The following GHR variants were observed in gnomAD, a reference collection of about 807,000 sequenced individuals.
GHR encodes the protein GH receptor.
Under a neutral mutation model 67.1 loss-of-function variants are expected in GHR, and 35 were observed. That is an observed-to-expected ratio of 0.52 (90% CI 0.40 to 0.69). The LOEUF (loss-of-function observed/expected upper bound fraction) is 0.69. GHR is among the 30% of genes least tolerant of loss of function. GHR has a pLI of 0.00. For synonymous variants in GHR, 272 were observed against 269.1 expected, an observed-to-expected ratio of 1.01 and a Z score of -0.10; for missense variants, 792 against 764.6, an observed-to-expected ratio of 1.04 and a Z score of -0.42.
intron 3 of GHR, among the ~76,000 whole-genome samples, chr5:42,636,745 C>A (rs1302763079): frequency 6.6e-6 from 1 of 152,168 alleles, no homozygotes; most frequent in African/African-American, 2.4e-5. Context: ...TTAACCTACA[C>A]ACTGAGAAAG....
chr5:42,645,840 C>T (rs1264003538), intron 3 of GHR, among the ~76,000 whole-genome samples: 2 of 152,138 alleles, frequency 1.3e-5, no homozygotes, highest in East Asian at 1.9e-4. Flanking sequence ...TTTCGCTGAC[C>T]GATTTCTAGG....
At chr5:42,478,474 C>A (rs1258582827) in intron 1 of GHR, among the ~76,000 whole-genome samples, 33 of 152,072 alleles carry the variant, frequency 2.2e-4, no homozygotes, top group Non-Finnish European at 4.4e-4. Context: ...TTACCTTGGG[C>A]AGTATGGCCA....
chr5:42,426,163 T>C (rs1280497890), intron 1 of GHR, among the ~76,000 whole-genome samples: 2 of 152,180 alleles, frequency 1.3e-5, no homozygotes. Flanking sequence ...ATTGTCATGT[T>C]GAGTATCTTG....
intron 3 of GHR, among the ~76,000 whole-genome samples, chr5:42,631,341 A>G (rs984999590): frequency 2.6e-5 from 4 of 152,204 alleles, no homozygotes; most frequent in Non-Finnish European, 5.9e-5. Context: ...TCTTATCAAA[A>G]GTCACCTGCT....
intron 1 of GHR, among the ~76,000 whole-genome samples, chr5:42,503,568 A>G (rs1029294794): frequency 6.6e-6 from 1 of 152,224 alleles, no homozygotes; most frequent in African/African-American, 2.4e-5. Context: ...AGAGCCTGCT[A>G]TGAGTGTCAC....
At chr5:42,633,340 T>C (rs13166851) in intron 3 of GHR, among the ~76,000 whole-genome samples, 3,043 of 152,250 alleles carry the variant, frequency 0.02, 60 homozygotes, top group South Asian at 0.063. Context: ...ATGGCTGAGA[T>C]CAGAGGCAAG....
At chr5:42,668,767 G>T (rs1756124275) in intron 3 of GHR, among the ~76,000 whole-genome samples, 1 of 151,844 alleles carries the variant, frequency 6.6e-6, no homozygotes, top group South Asian at 2.1e-4. Flanking sequence ...AAAAATAGAG[G>T]TATATTGCAT....
intron 1 of GHR, among the ~76,000 whole-genome samples, chr5:42,464,586 A>C (rs1744646377): frequency 6.6e-6 from 1 of 152,188 alleles, no homozygotes; most frequent in Non-Finnish European, 1.5e-5. Context: ...TCATGAATCC[A>C]TTCTGCAGGT....
At chr5:42,541,002 A>G (rs1016450121) in intron 1 of GHR, among the ~76,000 whole-genome samples, 10 of 140,232 alleles carry the variant, frequency 7.1e-5, no homozygotes, top group African/African-American at 2.7e-4. Flanking sequence ...AATTTGTTCC[A>G]TATTGTTTTT....
chr5:42,544,239 G>A lies in GHR; in HGVS notation c.-11-21625G>A, dbSNP rs530381628. ...GAAAGAAAAAGGGGATCCAGCAAGC[G>A]TGAGAAGACATACTTAGATAATTCA... On this transcript the variant is annotated intron_variant, in intron 1 of 9. Transcript: ENST00000230882. Among the ~76,000 whole-genome samples, 8 of 152,226 alleles carry A rather than the reference G, an allele frequency of 5.3e-5. No homozygotes were observed. The South Asian group carries it at 1.0e-3, about 20-fold the overall frequency.
intron 1 of GHR, among the ~76,000 whole-genome samples, chr5:42,455,134 T>A (rs1024584980): frequency 3.9e-5 from 6 of 152,302 alleles, no homozygotes; most frequent in Admixed American, 1.3e-4. Flanking sequence ...TAGGTAAGGT[T>A]AAATCCTTCT....
chr5:42,696,271 C>A (rs1038037800), intron 5 of GHR, among the ~76,000 whole-genome samples: 2 of 152,180 alleles, frequency 1.3e-5, no homozygotes, highest in African/African-American at 4.8e-5. Context: ...AGAGGGAAGT[C>A]AGGCATGTTC....
chr5:42,608,701 A>G (rs1035337200), intron 2 of GHR, among the ~76,000 whole-genome samples: 1 of 152,234 alleles, frequency 6.6e-6, no homozygotes, highest in Non-Finnish European at 1.5e-5. Flanking sequence ...CCAAAAAGAT[A>G]AATTTCAGAG....
intron 1 of GHR, among the ~76,000 whole-genome samples, chr5:42,530,175 A>T (rs1747903472): frequency 6.6e-6 from 1 of 152,118 alleles, no homozygotes. Flanking sequence ...ATCCTTCACC[A>T]CACAGTTACC....
intron 1 of GHR, among the ~76,000 whole-genome samples, chr5:42,561,331 G>T (rs954141546): frequency 6.6e-6 from 1 of 152,066 alleles, no homozygotes; most frequent in Non-Finnish European, 1.5e-5. Flanking sequence ...CCATTATTTT[G>T]ATTGCTTTTG....
At chr5:42,556,812 G>C (rs988241360) in intron 1 of GHR, among the ~76,000 whole-genome samples, 1 of 152,140 alleles carries the variant, frequency 6.6e-6, no homozygotes, top group Non-Finnish European at 1.5e-5. Flanking sequence ...AGAATGCTTC[G>C]TTCTTTGAGA....
chr5:42,454,078 G>A (rs1744159234), intron 1 of GHR, among the ~76,000 whole-genome samples: 2 of 152,198 alleles, frequency 1.3e-5, no homozygotes, highest in South Asian at 4.1e-4. Flanking sequence ...TCTGGGTCTA[G>A]CCACCCAATG....
intron 1 of GHR, among the ~76,000 whole-genome samples, chr5:42,433,732 ATTTTTTTTTT>A (rs35539827): frequency 1.3e-5 from 1 of 77,584 alleles, no homozygotes; most frequent in Non-Finnish European, 2.4e-5. Flanking sequence ...AAGATATGGT[ATTTTTTTTTT>A]TTTTTTTTTT....
intron 1 of GHR, among the ~76,000 whole-genome samples, chr5:42,464,052 T>TA (rs1744619824): frequency 8.5e-6 from 1 of 118,146 alleles, no homozygotes; most frequent in Admixed American, 8.8e-5. Flanking sequence ...TTGTTGATAT[T>TA]ACCAAAAAAA....
Sources: gnomAD v4.1 joint callset for allele counts (sites outside exome capture counted in the v4.1 genomes callset) on GRCh38, gnomAD v4.1.1 for gene constraint, MANE v1.5 for transcripts, NCBI Gene and HGNC (gene_info 2026-07-23, HGNC 2026-07-21) for gene names.